Variants in GRB14 observed in about 807,000 individuals in gnomAD.
The protein encoded by GRB14 is growth factor receptor-bound protein 14.
In GRB14, 38 loss-of-function variants were observed where a neutral mutation model predicts 69.1. The observed-to-expected ratio is 0.55, with a 90% confidence interval of 0.42 to 0.72. The LOEUF (loss-of-function observed/expected upper bound fraction) is 0.72. GRB14 is among the 30% of genes least tolerant of loss of function. The pLI is 0.00. For missense variants in GRB14, 666 were observed against 666.1 expected (o/e 1.00, Z 0.00); for synonymous variants, 247 against 241.3 (o/e 1.02, Z -0.22).
intron 2 of GRB14, among the ~76,000 whole-genome samples, chr2:164,606,594 C>T (rs951899726): frequency 1.3e-5 from 2 of 152,088 alleles, no homozygotes; most frequent in Non-Finnish European, 2.9e-5. Flanking sequence ...TTGTAAAGGG[C>T]CCCTTAGGCT....
chr2:164,561,192 G>T (rs2105322299), intron 2 of GRB14, among the ~76,000 whole-genome samples: 1 of 152,232 alleles, frequency 6.6e-6, no homozygotes, highest in Admixed American at 6.5e-5. Context: ...GTTCAGCCCA[G>T]GTGTTCACAG....
chr2:164,515,225 A>G (rs1687449545), intron 6 of GRB14, among the ~76,000 whole-genome samples: 1 of 152,184 alleles, frequency 6.6e-6, no homozygotes, highest in African/African-American at 2.4e-5. Context: ...TGCTCTTGAC[A>G]GTGCCAACTC....
chr2:164,564,539 G>A lies in GRB14; in HGVS notation c.325-16723C>T, dbSNP rs79636209. On this transcript the variant is annotated intron_variant, in intron 2 of 13. Coordinates refer to ENST00000263915, the MANE Select transcript of GRB14 (RefSeq NM_004490.3). ...ATCTTCTCATAAATGGCATTGCTCC[G>A]TATTACACTCATGAATTTACAATTT... Among the ~76,000 whole-genome samples, 251 of 152,118 alleles carry A rather than the reference G, an allele frequency of 1.7e-3. 7 individuals carry two copies. The East Asian group carries it at 0.039, about 23-fold the overall frequency.
At chr2:164,581,412 G>C (rs1245484248) in intron 2 of GRB14, among the ~76,000 whole-genome samples, 1 of 152,186 alleles carries the variant, frequency 6.6e-6, no homozygotes, top group Non-Finnish European at 1.5e-5. Flanking sequence ...AGGAGGATCA[G>C]AGTGAGAGAA....
intron 3 of GRB14, among the ~76,000 whole-genome samples, chr2:164,536,198 C>T (rs529532076): frequency 3.2e-4 from 49 of 152,242 alleles, no homozygotes; most frequent in Admixed American, 9.2e-4. Context: ...GTTCCAAACA[C>T]ATTTATTTGT....
chr2:164,508,345 CT>C, intron 8 of GRB14, 109 bp downstream of exon 8: 1 of 766,966 alleles, frequency 1.3e-6, no homozygotes, highest in South Asian at 1.8e-5. Flanking sequence ...TATTTTTCTT[CT>C]TTCTCATGTA....
intron 2 of GRB14, among the ~76,000 whole-genome samples, chr2:164,567,377 AT>A (rs1283140222): frequency 1.3e-5 from 2 of 152,182 alleles, no homozygotes; most frequent in African/African-American, 4.8e-5. Flanking sequence ...TAACTGTTAG[AT>A]TTGCCATGTT....
At chr2:164,500,616 C>T (rs1237249136) in intron 9 of GRB14, among the ~76,000 whole-genome samples, 2 of 151,996 alleles carry the variant, frequency 1.3e-5, no homozygotes, top group African/African-American at 4.8e-5. Flanking sequence ...TCTAAGTTTC[C>T]TTCATGTAAA....
rs563607723 is a variant in GRB14 at position 164,541,773 on chromosome 2, G to C, written c.481+5887C>G. ...AGTTTTTAACATGGGTATACTGTGT[G>C]ATGCTGAGGTCTGGATACAATCGCA... On this transcript the variant is annotated intron_variant, in intron 3 of 13. Coordinates refer to ENST00000263915, the MANE Select transcript of GRB14 (RefSeq NM_004490.3). 2.6e-5 allele frequency among the ~76,000 whole-genome samples: 4 copies of C among 152,074 alleles called. No homozygotes were observed. In the South Asian group the frequency reaches 8.3e-4, roughly 32 times the overall value.
In GRB14 at chr2:164,605,481, G is replaced by A. The variant is rs562669512; in HGVS notation, c.324+14206C>T. ...CTAGACTTACATGCACACTGCAATT[G>A]AGGCCGTGGAGGTAGATGAGATCAT... On this transcript the variant is annotated intron_variant, in intron 2 of 13. Coordinates refer to ENST00000263915, the MANE Select transcript of GRB14 (RefSeq NM_004490.3). Among the ~76,000 whole-genome samples, 5 of 152,228 alleles carry A rather than the reference G, an allele frequency of 3.3e-5. No individual in the cohort carries two copies. In the South Asian group the frequency reaches 1.0e-3, roughly 32 times the overall value.
chr2:164,493,847 A>G (rs1438643457), intron 13 of GRB14, among the ~76,000 whole-genome samples: 5 of 152,126 alleles, frequency 3.3e-5, no homozygotes, highest in African/African-American at 1.2e-4. Context: ...ACTCCCCACC[A>G]TTCAGTTCCA....
chr2:164,525,927 C>T (rs1446083835), intron 4 of GRB14, among the ~76,000 whole-genome samples: 1 of 151,988 alleles, frequency 6.6e-6, no homozygotes, highest in Non-Finnish European at 1.5e-5. Flanking sequence ...TGTCCAATCA[C>T]CTCCCAGTTA....
intron 2 of GRB14, among the ~76,000 whole-genome samples, chr2:164,552,481 C>T (rs1429541714): frequency 6.6e-6 from 1 of 152,074 alleles, no homozygotes; most frequent in African/African-American, 2.4e-5. Flanking sequence ...CATTTTTATG[C>T]TCAGAAAATT....
chr2:164,502,478 G>T, intron 8 of GRB14, 143 bp from the exon 9 acceptor site: 1 of 560,968 alleles, frequency 1.8e-6, no homozygotes, highest in Non-Finnish European at 3.2e-6. Context: ...TTTGAAAGAT[G>T]AACTTTTAGT....
intron 6 of GRB14, among the ~76,000 whole-genome samples, chr2:164,512,620 A>G (rs758908846): frequency 2.0e-5 from 3 of 152,206 alleles, no homozygotes; most frequent in Non-Finnish European, 4.4e-5. Flanking sequence ...TTGAGCAAAC[A>G]TAGATGGTAG....
intron 12 of GRB14, among the ~76,000 whole-genome samples, chr2:164,495,203 T>C (rs1574237713): frequency 6.6e-6 from 1 of 151,992 alleles, no homozygotes. Context: ...CGGCCTCCCA[T>C]AGTGCTGAGA....
intron 2 of GRB14, among the ~76,000 whole-genome samples, chr2:164,554,221 T>C (rs968439947): frequency 6.6e-6 from 1 of 151,342 alleles, no homozygotes; most frequent in East Asian, 1.9e-4. Context: ...TACTAAAAGG[T>C]AAAAAAAAAT....
At chr2:164,523,783 G>A (rs1342600289) in intron 5 of GRB14, among the ~76,000 whole-genome samples, 1 of 152,006 alleles carries the variant, frequency 6.6e-6, no homozygotes, top group African/African-American at 2.4e-5. Flanking sequence ...GCACATGCAG[G>A]ACTATCTGAT....
intron 6 of GRB14, among the ~76,000 whole-genome samples, chr2:164,517,990 G>T (rs1364311692): frequency 6.6e-6 from 1 of 152,052 alleles, no homozygotes; most frequent in Non-Finnish European, 1.5e-5. Context: ...AGAAACAGTG[G>T]ATTTAAACCA....
Sources: gnomAD v4.1 joint callset for allele counts (sites outside exome capture counted in the v4.1 genomes callset) on GRCh38, gnomAD v4.1.1 for gene constraint, MANE v1.5 for transcripts, NCBI Gene and HGNC (gene_info 2026-07-23, HGNC 2026-07-21) for gene names.